The following TASL variants were observed in gnomAD, a reference collection of about 807,000 sequenced individuals.
TASL encodes TLR adaptor interacting with endolysosomal SLC15A4.
TASL carries 6 observed loss-of-function variants against 12.9 expected under a neutral mutation model. The ratio of observed to expected loss-of-function variants is 0.46; its 90% CI spans 0.25 to 0.92. The LOEUF is 0.92. Among genes scored for constraint, TASL ranks in the 40% least tolerant of loss-of-function variants. The pLI, the probability that TASL is intolerant of heterozygous loss-of-function variation, is 0.17. For synonymous variants in TASL, 85 were observed against 79.3 expected (o/e 1.07, Z -0.38); for missense variants, 165 against 212.8 (o/e 0.78, Z 1.40).
At chrX:30,573,670 C>T (rs1284293032) in intron 2 of TASL, among the ~76,000 whole-genome samples, 1 of 111,582 alleles carries the variant, frequency 9.0e-6, no homozygotes, top group Non-Finnish European at 1.9e-5. Context: ...GTAATCCCAG[C>T]ACTTTGGGAG....
rs754025858 is a variant in TASL, at chrX:30,559,229, C to T, written c.*221G>A. On this transcript the variant is annotated 3_prime_UTR_variant, in exon 3 of 3. Coordinates refer to ENST00000378962, the MANE Select transcript of TASL (RefSeq NM_025159.3). ...TATTTTTGCTTCCTTGCTGTACACA[C>T]CTCTCTTTGAAATCATTCCTTATGG... is the stretch of plus-strand genomic sequence containing the variant. 1.7e-5 allele frequency: 6 copies of T among 345,209 alleles called. No individual in the cohort carries two copies. Among genetic ancestry groups the T allele is most frequent in the Admixed American group, 1.1e-4 (2 of 18,739 alleles). The allele number at this position is 345,209 out of a possible 1,213,427, so 28.4% of individuals were successfully genotyped here.
intron 2 of TASL, among the ~76,000 whole-genome samples, chrX:30,563,193 A>C (rs2532874): frequency 9.1e-6 from 1 of 110,232 alleles, no homozygotes; most frequent in Non-Finnish European, 1.9e-5. Context: ...CTCGTGATAG[A>C]GAGTTAGTTC....
At chrX:30,573,175 A>G (rs1280146797) in intron 2 of TASL, among the ~76,000 whole-genome samples, 1 of 112,626 alleles carries the variant, frequency 8.9e-6, no homozygotes, top group Non-Finnish European at 1.9e-5. Flanking sequence ...CCAAGGCCAC[A>G]CAGCTACTAA....
intron 2 of TASL, among the ~76,000 whole-genome samples, chrX:30,561,627 T>C (rs1930425826): frequency 8.9e-6 from 1 of 112,241 alleles, no homozygotes; most frequent in Non-Finnish European, 1.9e-5. Context: ...TACATTCATG[T>C]AATTATTGTT....
intron 2 of TASL, among the ~76,000 whole-genome samples, chrX:30,571,982 ATATATATAAAGC>A (rs2147087305): frequency 9.0e-6 from 1 of 110,754 alleles, no homozygotes; most frequent in East Asian, 2.8e-4. Flanking sequence ...GAGAAGCTAT[ATATATATAAAGC>A]TATATATATG....
intron 2 of TASL, among the ~76,000 whole-genome samples, chrX:30,571,891 T>A (rs1175139095): frequency 1.8e-5 from 2 of 111,172 alleles, no homozygotes; most frequent in African/African-American, 3.3e-5. Flanking sequence ...TGATTTCATC[T>A]GAGACATCAA....
At chrX:30,572,526 A>G (rs977586998) in intron 2 of TASL, among the ~76,000 whole-genome samples, 17 of 112,238 alleles carry the variant, frequency 1.5e-4, no homozygotes, top group Non-Finnish European at 3.2e-4. Context: ...ATGATAGATC[A>G]TCAACTGTAG....
At chrX:30,560,661 G>T (rs935859547) in intron 2 of TASL, among the ~76,000 whole-genome samples, 2 of 94,840 alleles carry the variant, frequency 2.1e-5, no homozygotes, top group Non-Finnish European at 4.2e-5. Context: ...GAAGTACAGG[G>T]GTGGGGGGGT....
chrX:30,560,403 AT>A, intron 2 of TASL, 47 bp from the exon 3 acceptor site: 1 of 969,544 alleles, frequency 1.0e-6, no homozygotes, highest in Non-Finnish European at 1.4e-6. Flanking sequence ...GAATACTGAA[AT>A]TTTAGAAGTT....
At chrX:30,566,335 C>T (rs1294895638) in intron 2 of TASL, among the ~76,000 whole-genome samples, 1 of 109,214 alleles carries the variant, frequency 9.2e-6, no homozygotes, top group Non-Finnish European at 1.9e-5. Context: ...AGTGAAACTC[C>T]GTCTTTACTA....
intron 1 of TASL, among the ~76,000 whole-genome samples, chrX:30,577,302 C>T (rs566678533): frequency 7.1e-5 from 8 of 112,130 alleles, no homozygotes; most frequent in African/African-American, 2.3e-4. Flanking sequence ...ACCAGTGTGG[C>T]AATTAGTGAA....
intron 2 of TASL, among the ~76,000 whole-genome samples, chrX:30,573,690 G>A (rs2069934291): frequency 9.0e-6 from 1 of 110,956 alleles, no homozygotes; most frequent in Non-Finnish European, 1.9e-5. Flanking sequence ...GGCTGAGGTG[G>A]GTGGATCACC....
intron 2 of TASL, among the ~76,000 whole-genome samples, chrX:30,563,732 G>A (rs915594345): frequency 1.1e-4 from 12 of 111,534 alleles, no homozygotes; most frequent in African/African-American, 2.3e-4. Flanking sequence ...ATAAACATAC[G>A]CATATTTTTG....
chrX:30,568,952 G>A (rs191219401), intron 2 of TASL, among the ~76,000 whole-genome samples: 97 of 94,743 alleles, frequency 1.0e-3, no homozygotes, highest in Non-Finnish European at 1.8e-3. Flanking sequence ...TAGTGTCTAG[G>A]GATAGACACG....
chrX:30,560,383 T>C (rs1253623725), intron 2 of TASL, 27 bp from the exon 3 acceptor site: 2 of 1,067,657 alleles, frequency 1.9e-6, no homozygotes, highest in African/African-American at 1.9e-5. Context: ...TGAGTAAGAA[T>C]GGGGAAAAAG....
At chrX:30,569,008 G>A (rs941018709) in intron 2 of TASL, among the ~76,000 whole-genome samples, 5 of 109,437 alleles carry the variant, frequency 4.6e-5, no homozygotes, top group Admixed American at 9.8e-5. Flanking sequence ...TTCTGAGAGG[G>A]AGGAGTGGGA....
intron 2 of TASL, among the ~76,000 whole-genome samples, chrX:30,568,056 A>C (rs769328012): frequency 2.7e-5 from 3 of 111,295 alleles, no homozygotes; most frequent in Non-Finnish European, 3.8e-5. Context: ...GGCCAATATG[A>C]TGAAACCCCA....
intron 2 of TASL, among the ~76,000 whole-genome samples, chrX:30,569,690 T>C (rs1930561572): frequency 9.0e-6 from 1 of 111,549 alleles, no homozygotes; most frequent in Non-Finnish European, 1.9e-5. Context: ...ACAAGAGCTT[T>C]GGATGCATTG....
intron 2 of TASL, among the ~76,000 whole-genome samples, chrX:30,570,259 C>CACAT (rs1331098697): frequency 3.7e-5 from 4 of 108,000 alleles, no homozygotes; most frequent in Non-Finnish European, 7.7e-5. Flanking sequence ...CACACACACA[C>CACAT]ATATATATGA....
Sources: allele counts gnomAD v4.1 joint callset (sites outside exome capture counted in the v4.1 genomes callset), GRCh38; gene constraint gnomAD v4.1.1; transcripts MANE v1.5; gene names NCBI Gene and HGNC (gene_info 2026-07-23, HGNC 2026-07-21).